The following TNPO2 variants were observed in gnomAD, a reference collection of about 807,000 sequenced individuals.
TNPO2 encodes transportin 2, also known as transportin-2.
TNPO2 carries 16 observed loss-of-function variants against 111.1 expected under a neutral mutation model. The ratio of observed to expected loss-of-function variants is 0.14; its 90% CI spans 0.10 to 0.22. The LOEUF is 0.22. Ranked by LOEUF, TNPO2 falls within the 10% of genes least tolerant of loss-of-function variation. TNPO2 has a pLI of 1.00. For synonymous variants in TNPO2, 481 were observed against 475.8 expected (o/e 1.01, Z -0.14); for missense variants, 530 against 1,173.7 (o/e 0.45, Z 8.01).
In TNPO2 at chr19:12,721,084, CG is replaced by C. The variant is rs2026664618; in HGVS notation, c.-13-95del. On this transcript the variant is annotated intron_variant, in intron 2 of 25. Coordinates refer to ENST00000425528, the MANE Select transcript of TNPO2 (RefSeq NM_001382241.1). This position sits in a 1 kb window ranked among gnomAD's most constrained non-coding sequence, Gnocchi z 4.9. ...TGAGGCCGCGGTGGCCGCATGACGA[CG>C]GGAACGCCCTCGGCGGACAGGCGGA... is the stretch of plus-strand genomic sequence containing the variant. 6.5e-7 allele frequency: 1 copy of C among 1,529,782 alleles called. No homozygotes were observed. The highest frequency in any genetic ancestry group is 1.2e-5 in the South Asian group (1 of 83,412). 94.8% of individuals were successfully genotyped at this position (1,529,782 alleles called of 1,614,324 possible).
At position 12,715,554 on chromosome 19, in the gene TNPO2, CAG is replaced by C. The variant is rs770987845; in HGVS notation, c.433-18_433-17del. On this transcript the variant is annotated splice_polypyrimidine_tract_variant and intron_variant, in intron 6 of 25. Coordinates refer to ENST00000425528, the MANE Select transcript of TNPO2 (RefSeq NM_001382241.1). The surrounding 1 kb of genome is among the most constrained non-coding windows in gnomAD (Gnocchi z 7.1). ...CAAAGGCTCCCTGAGTGCAGAGGGG[CAG>C]AGAGACAAACGTGGGTGGTGGGTGG... The C allele has an allele frequency of 7.6e-5, 122 of 1,613,682 alleles. No individual in the cohort carries two copies. Among genetic ancestry groups the C allele is most frequent in the Non-Finnish European group, 9.6e-5 (113 of 1,179,764 alleles).
At chr19:12,708,851 G>A (rs879812844) in intron 13 of TNPO2, among the ~76,000 whole-genome samples, 7 of 151,632 alleles carry the variant, frequency 4.6e-5, no homozygotes, top group Non-Finnish European at 7.4e-5. Context: ...AGCCTGGACA[G>A]TAAGAGCAAA....
Position 12,721,352 on chromosome 19 carries a change from G to T in TNPO2, c.-13-362C>A. Reference sequence around the variant, plus strand: ...CCTCCCTCGCAGCGGCTGGGCGAGGGCCCAGCCGCCTCCACATCCAGGGGC... The same window carrying T: ...CCTCCCTCGCAGCGGCTGGGCGAGGTCCCAGCCGCCTCCACATCCAGGGGC... On this transcript the variant is annotated intron_variant, in intron 2 of 25. Coordinates refer to ENST00000425528, the MANE Select transcript of TNPO2 (RefSeq NM_001382241.1). The surrounding 1 kb of genome is among the most constrained non-coding windows in gnomAD (Gnocchi z 4.9). 1.6e-6 allele frequency: 2 copies of T among 1,244,098 alleles called. No individual in the cohort carries two copies. Among genetic ancestry groups the T allele is most frequent in the Non-Finnish European group, 2.1e-6 (2 of 959,860 alleles). The allele number at this position is 1,244,098 out of a possible 1,614,324, so 77.1% of individuals were successfully genotyped here.
In TNPO2 at chr19:12,706,545, T is replaced by C; in HGVS notation, c.1496+25A>G. On this transcript the variant is annotated intron_variant, in intron 14 of 25. Transcript: ENST00000425528. This position sits in a 1 kb window ranked among gnomAD's most constrained non-coding sequence, Gnocchi z 7.0. ...AGGGTGGCCGGGGGAGAGTGGGGGC[T>C]GTGGGATCAGGGGTCCAGGGTCACC... 3.7e-6 allele frequency: 6 copies of C among 1,611,738 alleles called. No individual in the cohort carries two copies. The highest frequency in any genetic ancestry group is 5.1e-6 in the Non-Finnish European group (6 of 1,178,152).
intron 10 of TNPO2, among the ~76,000 whole-genome samples, chr19:12,714,314 C>CT (rs930361446): frequency 0.036 from 4,862 of 136,264 alleles, 304 homozygotes; most frequent in African/African-American, 0.12. Context: ...TTTTTCATTT[C>CT]TTTTTTTTTT....
chr19:12,704,740 T>G (rs2025536317), intron 18 of TNPO2, among the ~76,000 whole-genome samples: 1 of 151,974 alleles, frequency 6.6e-6, no homozygotes, highest in Non-Finnish European at 1.5e-5. Context: ...TGGAGTGCAG[T>G]GGCATGATCT....
rs2145448220 is a variant in TNPO2, at chr19:12,702,228, A to G, written c.2306-51T>C. The G allele has an allele frequency of 1.3e-6, 2 of 1,510,896 alleles. No individual in the cohort carries two copies. Among genetic ancestry groups the G allele is most frequent in the East Asian group, 4.7e-5 (2 of 42,908 alleles). 93.6% of individuals were successfully genotyped at this position (1,510,896 alleles called of 1,614,324 possible). ...GGTACGTGGCGGGGCCTCTGGCACA[A>G]GGCACCAAGCCCCGCCCCATGAGCC... is the stretch of plus-strand genomic sequence containing the variant. On this transcript the variant is annotated intron_variant, in intron 21 of 25. Coordinates refer to ENST00000425528, the MANE Select transcript of TNPO2 (RefSeq NM_001382241.1). This position sits in a 1 kb window ranked among gnomAD's most constrained non-coding sequence, Gnocchi z 5.5.
At chr19:12,703,898 A>G in intron 18 of TNPO2, 97 bp from the exon 19 acceptor site, 1 of 1,095,550 alleles carries the variant, frequency 9.1e-7, no homozygotes, top group Middle Eastern at 2.6e-4. Flanking sequence ...AGCCTCTGCC[A>G]CTTTCCAGTT....
At position 12,715,774 on chromosome 19, in the gene TNPO2, G is replaced by A; in HGVS notation, c.326-35C>T. On this transcript the variant is annotated intron_variant, in intron 5 of 25. Transcript: ENST00000425528. The surrounding 1 kb of genome is among the most constrained non-coding windows in gnomAD (Gnocchi z 7.1). ...CCGGGAAAGGACGCTGCCTGAGGCTGGGCAGGGGCTGCCTAGCACCTCCCC... is the reference window on the plus strand; with the variant it reads ...CCGGGAAAGGACGCTGCCTGAGGCTAGGCAGGGGCTGCCTAGCACCTCCCC... 1 of 1,545,298 alleles carries A rather than the reference G, an allele frequency of 6.5e-7. No individual in the cohort carries two copies. Among genetic ancestry groups the A allele is most frequent in the South Asian group, 1.2e-5 (1 of 86,090 alleles).
intron 10 of TNPO2, 59 bp from the exon 11 acceptor site, chr19:12,711,672 G>A (rs2026057752): frequency 6.6e-7 from 1 of 1,504,304 alleles, no homozygotes; most frequent in Non-Finnish European, 9.1e-7. Flanking sequence ...TTGGGGGGAG[G>A]CACAGCTTGG....
rs1028006831 is a variant in TNPO2 at position 12,719,533 on chromosome 19, C to T, written c.100-197G>A. 5.9e-5 allele frequency among the ~76,000 whole-genome samples: 9 copies of T among 152,140 alleles called. No individual in the cohort carries two copies. The highest frequency in any genetic ancestry group is 2.1e-4 in the South Asian group (1 of 4,832). On this transcript the variant is annotated intron_variant, in intron 3 of 25. Coordinates refer to ENST00000425528, the MANE Select transcript of TNPO2 (RefSeq NM_001382241.1). This position sits in a 1 kb window ranked among gnomAD's most constrained non-coding sequence, Gnocchi z 5.0. ...ATAAGGGGCCGGGCGCGGTGGCTCA[C>T]GCCTGTAATCCCAGCACTTTTTGGG...
intron 3 of TNPO2, among the ~76,000 whole-genome samples, chr19:12,720,231 T>C (rs1055780225): frequency 1.3e-5 from 2 of 152,164 alleles, no homozygotes; most frequent in African/African-American, 4.8e-5. Flanking sequence ...TTGGCCAGGC[T>C]GGTCTCAAAA....
rs2025628238 is a variant in TNPO2 at position 12,705,941 on chromosome 19, C to T, written c.1669-173G>A. The stretch of plus-strand genomic sequence containing the variant: ...TTCATTCTTCTCACCTGTCCAAGCA[C>T]CGCCCGCCCCACCCCACCCCCCGGG... On this transcript the variant is annotated intron_variant, in intron 15 of 25. Coordinates refer to ENST00000425528, the MANE Select transcript of TNPO2 (RefSeq NM_001382241.1). This position sits in a 1 kb window ranked among gnomAD's most constrained non-coding sequence, Gnocchi z 7.2. 5.9e-6 allele frequency: 4 copies of T among 673,164 alleles called. No homozygotes were observed. Among genetic ancestry groups the T allele is most frequent in the Non-Finnish European group, 4.9e-6 (2 of 404,882 alleles). The allele number at this position is 673,164 out of a possible 1,614,324, so 41.7% of individuals were successfully genotyped here. A position where few individuals can be genotyped will look rare whatever the true frequency, so the allele number is the denominator to read the frequency against.
chr19:12,722,687 A>C (rs1967082067), intron 2 of TNPO2: 1 of 151,400 alleles, frequency 6.6e-6, no homozygotes, highest in African/African-American at 2.4e-5. Flanking sequence ...GGAAGGTTCA[A>C]CCTTCACACG....
chr19:12,721,248 C>A lies in TNPO2; in HGVS notation c.-13-258G>T. On this transcript the variant is annotated intron_variant, in intron 2 of 25. Coordinates refer to ENST00000425528, the MANE Select transcript of TNPO2 (RefSeq NM_001382241.1). This position sits in a 1 kb window ranked among gnomAD's most constrained non-coding sequence, Gnocchi z 4.9. ...GCGGCGGCGGCGGGGCCCGGCGGAT[C>A]CTCATGGGACCCAGCGAAGAGCCCT... 2 of 1,297,782 alleles carry A rather than the reference C, an allele frequency of 1.5e-6. No individual in the cohort carries two copies. The highest frequency in any genetic ancestry group is 1.5e-5 in the South Asian group (1 of 64,934). 80.4% of individuals were successfully genotyped at this position (1,297,782 alleles called of 1,614,324 possible). A position where few individuals can be genotyped will look rare whatever the true frequency, so the allele number is the denominator to read the frequency against.
rs565030258 is a variant in TNPO2 at position 12,701,180 on chromosome 19, C to T, written c.*84G>A. The T allele has an allele frequency of 1.7e-6, 1 of 595,560 alleles. No homozygotes were observed. Among genetic ancestry groups the T allele is most frequent in the African/African-American group, 1.9e-5 (1 of 53,880 alleles). 36.9% of individuals were successfully genotyped at this position (595,560 alleles called of 1,614,324 possible). A position where few individuals can be genotyped will look rare whatever the true frequency, so the allele number is the denominator to read the frequency against. ...CCTCCCTAACCCCCCTCAACCAGGG[C>T]ACAGCGACTTCCGGATGCAGCGCAC... On this transcript the variant is annotated 3_prime_UTR_variant, in exon 26 of 26. Transcript: ENST00000425528. This position sits in a 1 kb window ranked among gnomAD's most constrained non-coding sequence, Gnocchi z 5.0.
At position 12,706,591 on chromosome 19, in the gene TNPO2, C is replaced by T; in HGVS notation, c.1475G>A (p.Arg492Lys). 1 of 1,614,154 alleles carries T rather than the reference C, an allele frequency of 6.2e-7. No individual in the cohort carries two copies. Among genetic ancestry groups the T allele is most frequent in the Non-Finnish European group, 8.5e-7 (1 of 1,180,016 alleles). The change falls in exon 14 of 26, where the codon AGG becomes AAG. Residue 492 changes from arginine (R) to lysine (K), a missense_variant. Coordinates refer to ENST00000425528, the MANE Select transcript of TNPO2 (RefSeq NM_001382241.1). This position sits in a 1 kb window ranked among gnomAD's most constrained non-coding sequence, Gnocchi z 7.0. ...TCACCTGCAGGCCGCCTCCTGTACCCTCTTGTTGCCATCCAGGATGCGTTT... is the reference window on the plus strand; with the variant it reads ...TCACCTGCAGGCCGCCTCCTGTACCTTCTTGTTGCCATCCAGGATGCGTTT... ...LLKRILDGNK[R>K]VQEAACSAFA...
At chr19:12,712,882 A>G (rs1208445110) in intron 10 of TNPO2, among the ~76,000 whole-genome samples, 1 of 152,154 alleles carries the variant, frequency 6.6e-6, no homozygotes, top group African/African-American at 2.4e-5. Context: ...ACACAGGAAG[A>G]GACCCACCGA....
At chr19:12,711,523 C>T in intron 11 of TNPO2, 30 bp downstream of exon 11, 1 of 1,613,876 alleles carries the variant, frequency 6.2e-7, no homozygotes, top group Non-Finnish European at 8.5e-7. Flanking sequence ...CACGCCCATG[C>T]CCACCCATGC....
Sources: allele counts gnomAD v4.1 joint callset (sites outside exome capture counted in the v4.1 genomes callset), GRCh38; gene constraint gnomAD v4.1.1; non-coding constraint Gnocchi (gnomAD v3.1); transcripts MANE v1.5; gene names NCBI Gene and HGNC (gene_info 2026-07-23, HGNC 2026-07-21).